Variants in TCF4 observed in about 807,000 individuals in gnomAD.
The protein encoded by TCF4 is SL3-3 enhancer factor 2.
A neutral mutation model predicts 82.1 loss-of-function variants in TCF4; 3 were observed. The observed-to-expected ratio is 0.04, with a 90% confidence interval of 0.02 to 0.09. The LOEUF (loss-of-function observed/expected upper bound fraction) is 0.09. TCF4 is among the 10% of genes least tolerant of loss of function. The pLI, the probability that TCF4 is intolerant of heterozygous loss-of-function variation, is 1.00. For missense variants in TCF4, 518 were observed against 852.7 expected, an observed-to-expected ratio of 0.61 and a Z score of 4.89; for synonymous variants, 276 against 309.6, an observed-to-expected ratio of 0.89 and a Z score of 1.14.
intron 2 of TCF4, among the ~76,000 whole-genome samples, chr18:55,602,881 ATT>A (rs2097698603): frequency 6.6e-6 from 1 of 152,216 alleles, no homozygotes; most frequent in South Asian, 2.1e-4. Context: ...ATGATTTTAT[ATT>A]ATAGCAACAT....
intron 3 of TCF4, among the ~76,000 whole-genome samples, chr18:55,494,507 T>A (rs2096611507): frequency 6.6e-6 from 1 of 152,080 alleles, no homozygotes; most frequent in South Asian, 2.1e-4. Context: ...ATTTAAAGGG[T>A]TGCCTCACTC....
In TCF4 at chr18:55,492,953, AC is replaced by A. The variant is rs1419333657; in HGVS notation, c.146-28817del. 3.3e-5 allele frequency among the ~76,000 whole-genome samples: 5 copies of A among 152,130 alleles called. No homozygotes were observed. In the East Asian group the frequency reaches 9.6e-4, roughly 29 times the overall value. On this transcript the variant is annotated intron_variant, in intron 3 of 19. Transcript: ENST00000354452. Reference sequence around the variant, plus strand: ...CATACACATATCCACCAACACCTCCACCCACAAAGACAGGCCTCTCTTGGAG... The same window carrying A: ...CATACACATATCCACCAACACCTCCACCACAAAGACAGGCCTCTCTTGGAG...
intron 3 of TCF4, among the ~76,000 whole-genome samples, chr18:55,536,067 A>G (rs2097111958): frequency 6.6e-6 from 1 of 152,196 alleles, no homozygotes; most frequent in Admixed American, 6.5e-5. Flanking sequence ...GACCCAATAT[A>G]AAATAACTAA....
At chr18:55,286,719 T>G (rs2063769141) in intron 8 of TCF4, among the ~76,000 whole-genome samples, 1 of 152,188 alleles carries the variant, frequency 6.6e-6, no homozygotes, top group Non-Finnish European at 1.5e-5. Context: ...AACCACAGGA[T>G]TAAAGCTCAT....
At chr18:55,236,900 T>C (rs529441601) in intron 15 of TCF4, among the ~76,000 whole-genome samples, 3 of 152,362 alleles carry the variant, frequency 2.0e-5, no homozygotes, top group South Asian at 4.1e-4. Flanking sequence ...GATTTGAGCA[T>C]AGAGGAGAAG....
rs368255805 is a variant in TCF4 at position 55,566,300 on chromosome 18, A to AT, written c.145+18979dup. On this transcript the variant is annotated intron_variant, in intron 3 of 19. Coordinates refer to ENST00000354452, the MANE Select transcript of TCF4 (RefSeq NM_001083962.2). ...ATCAGTGGGCAGAGAGACAACGGAG[A>AT]TCCGGAAAGGTAGAGGGGCAGGAGG... Among the ~76,000 whole-genome samples the AT allele has an allele frequency of 4.0e-3, 606 of 152,252 alleles. 5 individuals are homozygous for AT. The highest frequency in any genetic ancestry group is 0.014 in the African/African-American group (588 of 41,564).
At chr18:55,620,128 T>G (rs2097716195) in intron 2 of TCF4, among the ~76,000 whole-genome samples, 1 of 152,172 alleles carries the variant, frequency 6.6e-6, no homozygotes, top group South Asian at 2.1e-4. Context: ...AGAAGGTGCT[T>G]TGCTTCCCCT....
At chr18:55,311,082 T>C (rs978654398) in intron 8 of TCF4, among the ~76,000 whole-genome samples, 3 of 151,460 alleles carry the variant, frequency 2.0e-5, no homozygotes, top group Non-Finnish European at 2.9e-5. Flanking sequence ...AACGTAGAAA[T>C]ACCTGGGCAA....
chr18:55,448,006 G>A (rs889142547), intron 5 of TCF4, among the ~76,000 whole-genome samples: 1 of 123,914 alleles, frequency 8.1e-6, no homozygotes, highest in South Asian at 3.0e-4. Context: ...GGGATGATAT[G>A]GGGGGGGAGG....
chr18:55,480,851 C>G (rs1568177737), intron 3 of TCF4, among the ~76,000 whole-genome samples: 1 of 152,166 alleles, frequency 6.6e-6, no homozygotes, highest in East Asian at 1.9e-4. Context: ...CGCCTGTAAT[C>G]CCAACACTTC....
intron 6 of TCF4, among the ~76,000 whole-genome samples, chr18:55,394,700 A>G (rs2093384514): frequency 1.3e-5 from 2 of 152,238 alleles, no homozygotes; most frequent in African/African-American, 2.4e-5. Flanking sequence ...GCAAAGAAAT[A>G]TTCTTGTCGG....
At position 55,536,453 on chromosome 18, in the gene TCF4, T is replaced by C. The variant is rs557507527; in HGVS notation, c.145+48827A>G. 9.9e-5 allele frequency among the ~76,000 whole-genome samples: 15 copies of C among 152,282 alleles called. 1 individual carries two copies. The South Asian group carries it at 2.5e-3, about 25-fold the overall frequency. Reference sequence around the variant, plus strand: ...TACAAAAGAACACAATTATACTTAATACAAACACAGTAACCTAGTGCCATC... The same window carrying C: ...TACAAAAGAACACAATTATACTTAACACAAACACAGTAACCTAGTGCCATC... On this transcript the variant is annotated intron_variant, in intron 3 of 19. Coordinates refer to ENST00000354452, the MANE Select transcript of TCF4 (RefSeq NM_001083962.2).
chr18:55,480,440 C>G (rs1292510179), intron 3 of TCF4, among the ~76,000 whole-genome samples: 1 of 151,956 alleles, frequency 6.6e-6, no homozygotes, highest in African/African-American at 2.4e-5. Flanking sequence ...GGAAGAAAAT[C>G]TTACGAAAAT....
At chr18:55,323,751 A>C (rs1251683523) in intron 8 of TCF4, among the ~76,000 whole-genome samples, 3 of 152,200 alleles carry the variant, frequency 2.0e-5, no homozygotes, top group African/African-American at 2.4e-5. Flanking sequence ...CACCACTTAG[A>C]AAAGAGGCTG....
chr18:55,497,139 C>G (rs2096646353), intron 3 of TCF4, among the ~76,000 whole-genome samples: 1 of 152,114 alleles, frequency 6.6e-6, no homozygotes, highest in South Asian at 2.1e-4. Context: ...ACATGATGAA[C>G]AAATTTTTTA....
At chr18:55,401,192 C>G in intron 6 of TCF4, 3 of 1,216,602 alleles carry the variant, frequency 2.5e-6, no homozygotes, top group Non-Finnish European at 3.1e-6. Context: ...TCAAATTTCA[C>G]AGAAAGCAGA....
At chr18:55,357,165 G>C (rs899596265) in intron 6 of TCF4, among the ~76,000 whole-genome samples, 2 of 152,070 alleles carry the variant, frequency 1.3e-5, no homozygotes, top group African/African-American at 2.4e-5. Flanking sequence ...ACACTAAAGC[G>C]AGGAGGTTTT....
intron 5 of TCF4, among the ~76,000 whole-genome samples, chr18:55,457,183 T>G (rs2095776757): frequency 6.6e-6 from 1 of 152,202 alleles, no homozygotes; most frequent in Non-Finnish European, 1.5e-5. Context: ...TAAAAAAAAT[T>G]TAGGAGCTTG....
At chr18:55,467,208 C>A (rs2096048380) in intron 3 of TCF4, among the ~76,000 whole-genome samples, 1 of 152,198 alleles carries the variant, frequency 6.6e-6, no homozygotes, top group Non-Finnish European at 1.5e-5. Flanking sequence ...GTTTCCATAG[C>A]ATGCGCAATG....
Sources: allele counts gnomAD v4.1 joint callset (sites outside exome capture counted in the v4.1 genomes callset), GRCh38; gene constraint gnomAD v4.1.1; transcripts MANE v1.5; gene names NCBI Gene and HGNC (gene_info 2026-07-23, HGNC 2026-07-21).